The following SLC7A2 variants were observed in gnomAD, a reference collection of about 807,000 sequenced individuals.
SLC7A2 encodes solute carrier family 7 member 2, also known as cationic amino acid transporter 2.
SLC7A2 carries 48 observed loss-of-function variants against 58.9 expected under a neutral mutation model. The ratio of observed to expected loss-of-function variants is 0.82; its 90% confidence interval spans 0.65 to 1.04. The LOEUF (loss-of-function observed/expected upper bound fraction) is 1.04. SLC7A2 is among the 50% of genes least tolerant of loss of function. The pLI, the probability that SLC7A2 is intolerant of heterozygous loss-of-function variation, is 0.00. For missense variants in SLC7A2, 1,029 were observed against 818.8 expected, an observed-to-expected ratio of 1.26 and a Z score of -3.13; for synonymous variants, 363 against 314.5, an observed-to-expected ratio of 1.15 and a Z score of -1.63.
chr8:17,495,114 A>T (rs1005390189), upstream of SLC7A2, among the ~76,000 whole-genome samples: 3 of 152,244 alleles, frequency 2.0e-5, no homozygotes, highest in African/African-American at 7.2e-5. Context: ...TAAGTTTAAA[A>T]ATAGGAATCT....
chr8:17,503,574 A>G (rs1208825734), intron 2 of SLC7A2, among the ~76,000 whole-genome samples: 1 of 150,982 alleles, frequency 6.6e-6, no homozygotes, highest in African/African-American at 2.4e-5. Flanking sequence ...GCAACTCTTC[A>G]TGATAATTTG....
rs556599395 is a variant in SLC7A2, at chr8:17,566,402, C to G, written c.*1256C>G. 3 of 152,260 alleles carry G rather than the reference C, an allele frequency of 2.0e-5. No individual in the cohort carries two copies. Among genetic ancestry groups the G allele is most frequent in the African/African-American group, 7.2e-5 (3 of 41,552 alleles). 9.4% of individuals were successfully genotyped at this position (152,260 alleles called of 1,614,324 possible). ...ATGGCCCAATTTAAGGGCTTTGGATCTAATTTGCCTCTGATGTTTCCTTTG... is the reference window on the plus strand; with the variant it reads ...ATGGCCCAATTTAAGGGCTTTGGATGTAATTTGCCTCTGATGTTTCCTTTG... On this transcript the variant is annotated 3_prime_UTR_variant, in exon 13 of 13. Transcript: ENST00000494857.
intron 2 of SLC7A2, 28 bp from the exon 3 acceptor site, chr8:17,543,290 A>G (rs377653338): frequency 3.9e-6 from 6 of 1,556,304 alleles, no homozygotes; most frequent in Non-Finnish European, 4.3e-6. Context: ...ATTCCAGATC[A>G]GCTTCTAACC....
chr8:17,548,684 TG>T lies in SLC7A2; in HGVS notation c.540del (p.Leu180PhefsTer5). On this transcript the variant is annotated frameshift_variant, in exon 5 of 13. Transcript: ENST00000494857. LOFTEE classifies it high-confidence loss of function. ...VCLILLLAGL[L>X]SFGVKESAWV... The stretch of plus-strand genomic sequence containing the variant: ...AAATGCCCTTTTTCCATAGGTCTTT[TG>T]TCTTTTGGAGTAAAAGAGTCTGCTT... 1 of 1,596,626 alleles carries T rather than the reference TG, an allele frequency of 6.3e-7. No individual in the cohort carries two copies. Among genetic ancestry groups the T allele is most frequent in the South Asian group, 1.2e-5 (1 of 86,486 alleles).
At chr8:17,494,698 C>T (rs574848194), upstream of SLC7A2, among the ~76,000 whole-genome samples, 3 of 152,290 alleles carry the variant, frequency 2.0e-5, no homozygotes, top group African/African-American at 7.2e-5. Context: ...ATTCTTTCCT[C>T]ATCTAAACAC....
intron 7 of SLC7A2, 93 bp downstream of exon 7, chr8:17,552,079 C>G: frequency 1.2e-6 from 1 of 835,932 alleles, no homozygotes; most frequent in Non-Finnish European, 1.9e-6. Context: ...AAAAAGTATC[C>G]TAATAGAAAC....
rs1168105127 is a variant in SLC7A2 at position 17,566,816 on chromosome 8, T to C, written c.*1670T>C. The C allele has an allele frequency of 6.6e-6, 1 of 152,154 alleles. No homozygotes were observed. The highest frequency in any genetic ancestry group is 1.5e-5 in the Non-Finnish European group (1 of 68,040). 9.4% of individuals were successfully genotyped at this position (152,154 alleles called of 1,614,324 possible). A position where few individuals can be genotyped will look rare whatever the true frequency, so the allele number is the denominator to read the frequency against. ...AAATAGTTCATTGGATGAGGCTGGG[T>C]GACATTTCCCAGGACAGCATGGTGA... On this transcript the variant is annotated 3_prime_UTR_variant, in exon 13 of 13. Coordinates refer to ENST00000494857, the MANE Select transcript of SLC7A2 (RefSeq NM_001370338.1).
intron 10 of SLC7A2, among the ~76,000 whole-genome samples, chr8:17,561,297 C>T (rs995908963): frequency 6.6e-6 from 1 of 152,136 alleles, no homozygotes; most frequent in Non-Finnish European, 1.5e-5. Context: ...GTTAGGGAGG[C>T]CTCACAGTCA....
Position 17,543,629 on chromosome 8 carries a change from G to A in SLC7A2, c.290G>A (p.Gly97Glu), listed in dbSNP as rs767831274. 2.5e-6 allele frequency: 4 copies of A among 1,589,646 alleles called. No homozygotes were observed. Among genetic ancestry groups the A allele is most frequent in the Non-Finnish European group, 3.4e-6 (4 of 1,168,918 alleles). Residue 97 changes from glycine to glutamate, a missense_variant, in exon 3 of 13, where the codon GGG (glycine) becomes GAG (glutamate). By Grantham distance (98) the Gly-to-Glu change is moderately conservative. Coordinates refer to ENST00000494857, the MANE Select transcript of SLC7A2 (RefSeq NM_001370338.1). ...TTTGGGGCCCGTGTTCCCAAGACGG[G>A]GTCTGCATATTTGTACACCTACGTG... ...AEFGARVPKT[G>E]SAYLYTYVTV... is the part of the protein sequence containing the mutation.
At position 17,569,130 on chromosome 8, in the gene SLC7A2, G is replaced by A. The variant is rs185158480; in HGVS notation, c.*3984G>A. 1 of 152,216 alleles carries A rather than the reference G, an allele frequency of 6.6e-6. No homozygotes were observed. Among genetic ancestry groups the A allele is most frequent in the African/African-American group, 2.4e-5 (1 of 41,542 alleles). 9.4% of individuals were successfully genotyped at this position (152,216 alleles called of 1,614,324 possible). On this transcript the variant is annotated 3_prime_UTR_variant, in exon 13 of 13. Transcript: ENST00000494857. ...TTGCCTTCCCTCCTCTTAAATCAGG[G>A]TGTGTTCCGAGATTACAGAACATCA... is the stretch of plus-strand genomic sequence containing the variant.
At chr8:17,526,095 G>C (rs1413017755) in intron 2 of SLC7A2, among the ~76,000 whole-genome samples, 1 of 152,108 alleles carries the variant, frequency 6.6e-6, no homozygotes, top group Non-Finnish European at 1.5e-5. Context: ...ACCCTAAAAG[G>C]TGATGCTTTT....
intron 2 of SLC7A2, among the ~76,000 whole-genome samples, chr8:17,533,961 A>AT (rs1801560755): frequency 6.6e-6 from 1 of 151,120 alleles, no homozygotes; most frequent in Non-Finnish European, 1.5e-5. Flanking sequence ...TCCCCTCCCT[A>AT]TGTCCATGTG....
At chr8:17,498,340 C>G (rs1055300220) in intron 1 of SLC7A2, among the ~76,000 whole-genome samples, 1 of 152,162 alleles carries the variant, frequency 6.6e-6, no homozygotes, top group African/African-American at 2.4e-5. Flanking sequence ...TCATTCTTGC[C>G]TGAGCTAGTC....
At chr8:17,564,865 A>C in intron 12 of SLC7A2, 85 bp from the exon 13 acceptor site, 1 of 1,127,360 alleles carries the variant, frequency 8.9e-7, no homozygotes. Context: ...AACTCTATTA[A>C]GTTCTACATT....
intron 2 of SLC7A2, among the ~76,000 whole-genome samples, chr8:17,528,455 G>C (rs1313002087): frequency 6.6e-6 from 1 of 151,920 alleles, no homozygotes; most frequent in African/African-American, 2.4e-5. Context: ...CATGATTATG[G>C]CTCACTGCAG....
chr8:17,518,822 T>G (rs993966925), intron 2 of SLC7A2, among the ~76,000 whole-genome samples: 3 of 152,132 alleles, frequency 2.0e-5, no homozygotes, highest in African/African-American at 7.2e-5. Context: ...TAAAATACCA[T>G]AGACTGGGGG....
intron 2 of SLC7A2, among the ~76,000 whole-genome samples, chr8:17,535,486 C>G (rs1295556412): frequency 6.6e-6 from 1 of 152,212 alleles, no homozygotes; most frequent in Non-Finnish European, 1.5e-5. Context: ...ATCTGTGTGT[C>G]TGTGCAACTG....
At chr8:17,505,839 T>G (rs532932039) in intron 2 of SLC7A2, among the ~76,000 whole-genome samples, 2 of 152,196 alleles carry the variant, frequency 1.3e-5, no homozygotes, top group African/African-American at 4.8e-5. Context: ...TGAGTAGAAC[T>G]GAATCATACT....
intron 2 of SLC7A2, among the ~76,000 whole-genome samples, chr8:17,513,322 G>C (rs1228032034): frequency 6.6e-6 from 1 of 151,930 alleles, no homozygotes; most frequent in Non-Finnish European, 1.5e-5. Flanking sequence ...GTTATTTTCT[G>C]GGTTTTTTTT....
Sources: gnomAD v4.1 joint callset for allele counts (sites outside exome capture counted in the v4.1 genomes callset) on GRCh38, gnomAD v4.1.1 for gene constraint, MANE v1.5 for transcripts, NCBI Gene and HGNC (gene_info 2026-07-23, HGNC 2026-07-21) for gene names.